PHEX: variants seen among roughly 807,000 people sequenced by gnomAD.
PHEX encodes the protein phosphate-regulating neutral endopeptidase PHEX.
Under a neutral mutation model 68.0 loss-of-function variants are expected in PHEX, and 16 were observed. The ratio of observed to expected loss-of-function variants is 0.24; its 90% CI spans 0.16 to 0.36. PHEX has a LOEUF of 0.36. Among genes scored for constraint, PHEX ranks in the 10% least tolerant of loss-of-function variants. PHEX has a pLI of 1.00. For missense variants in PHEX, 480 were observed against 575.5 expected (o/e 0.83, Z 1.70); for synonymous variants, 208 against 205.1 (o/e 1.01, Z -0.12).
At chrX:22,158,549 G>A (rs1261215544) in intron 12 of PHEX, among the ~76,000 whole-genome samples, 1 of 112,331 alleles carries the variant, frequency 8.9e-6, no homozygotes, top group African/African-American at 3.2e-5. Context: ...CAAGACATTT[G>A]AGAATTTATC....
chrX:22,100,400 C>T (rs1254822258), intron 9 of PHEX, among the ~76,000 whole-genome samples: 2 of 112,071 alleles, frequency 1.8e-5, no homozygotes, highest in East Asian at 5.6e-4. Context: ...TTTGTAAGTA[C>T]TTCCTAGCTC....
intron 12 of PHEX, among the ~76,000 whole-genome samples, chrX:22,145,378 A>G (rs1932648057): frequency 8.9e-6 from 1 of 111,966 alleles, no homozygotes; most frequent in Non-Finnish European, 1.9e-5. Context: ...TGGGAGGCCG[A>G]GGTGGGTAGA....
At chrX:22,091,384 C>CT (rs1332304531) in intron 6 of PHEX, among the ~76,000 whole-genome samples, 2 of 112,042 alleles carry the variant, frequency 1.8e-5, no homozygotes, top group African/African-American at 6.5e-5. Context: ...TATAACCTAT[C>CT]TGTCAAGTCC....
intron 14 of PHEX, among the ~76,000 whole-genome samples, chrX:22,185,984 G>A (rs1486938035): frequency 9.0e-6 from 1 of 110,748 alleles, no homozygotes; most frequent in Admixed American, 9.6e-5. Context: ...TCGAACTCCT[G>A]ACTTCAGGTG....
intron 14 of PHEX, among the ~76,000 whole-genome samples, chrX:22,188,358 G>T (rs1279442657): frequency 9.0e-6 from 1 of 111,398 alleles, no homozygotes; most frequent in Non-Finnish European, 1.9e-5. Flanking sequence ...GCATGCCACT[G>T]CTGGGCCTAG....
At chrX:22,162,723 C>G (rs1228576794) in intron 12 of PHEX, 1 of 112,058 alleles carries the variant, frequency 8.9e-6, no homozygotes, top group Non-Finnish European at 1.9e-5. Flanking sequence ...AAACATGACA[C>G]ATAATGCCTC....
At chrX:22,237,094 A>C (rs1426596944) in intron 20 of PHEX, among the ~76,000 whole-genome samples, 1 of 112,504 alleles carries the variant, frequency 8.9e-6, no homozygotes, top group African/African-American at 3.2e-5. Context: ...AAGTCTGCTT[A>C]TAAGGAGTAA....
At chrX:22,152,297 G>C (rs893280902) in intron 12 of PHEX, among the ~76,000 whole-genome samples, 5 of 111,653 alleles carry the variant, frequency 4.5e-5, no homozygotes, top group African/African-American at 1.6e-4. Context: ...ATGAAGTAAA[G>C]TACTTAGCAC....
intron 21 of PHEX, 101 bp downstream of exon 21, chrX:22,245,510 A>G (rs2147214346): frequency 3.3e-6 from 2 of 601,414 alleles, no homozygotes; most frequent in East Asian, 6.5e-5. Flanking sequence ...TGATCTGAAA[A>G]AAATCCCACA....
Position 22,038,466 on chromosome X carries a change from CA to C in PHEX, c.119-2del. 2.5e-6 allele frequency: 3 copies of C among 1,182,521 alleles called. No individual in the cohort carries two copies. The highest frequency in any genetic ancestry group is 3.5e-6 in the Non-Finnish European group (3 of 869,199). Reference sequence around the variant, plus strand: ...AGCCATTTATTGTGGTCTGTTTTTTCAGTGAGTCAAGGTCTCTTAAGTCTCC... The same window carrying C: ...AGCCATTTATTGTGGTCTGTTTTTTCGTGAGTCAAGGTCTCTTAAGTCTCC... On this transcript the variant is annotated splice_acceptor_variant, in intron 1 of 21. Coordinates refer to ENST00000379374, the MANE Select transcript of PHEX (RefSeq NM_000444.6). LOFTEE classifies it high-confidence loss of function.
chrX:22,230,961 T>C (rs1473133126), intron 20 of PHEX, among the ~76,000 whole-genome samples: 1 of 111,950 alleles, frequency 8.9e-6, no homozygotes, highest in Non-Finnish European at 1.9e-5. Flanking sequence ...CATCAATACC[T>C]AGTTTACTGA....
At chrX:22,163,949 G>T (rs1482713505) in intron 12 of PHEX, among the ~76,000 whole-genome samples, 1 of 112,040 alleles carries the variant, frequency 8.9e-6, no homozygotes, top group African/African-American at 3.2e-5. Flanking sequence ...CTTTCAGAGG[G>T]CTGGGGAGTG....
chrX:22,147,666 A>G (rs1338253843), intron 12 of PHEX, among the ~76,000 whole-genome samples: 1 of 111,262 alleles, frequency 9.0e-6, no homozygotes, highest in Non-Finnish European at 1.9e-5. Flanking sequence ...TACCAAGAGA[A>G]GAAAGGGTGA....
At chrX:22,093,234 C>T (rs998298453) in intron 6 of PHEX, among the ~76,000 whole-genome samples, 73 of 111,671 alleles carry the variant, frequency 6.5e-4, no homozygotes, top group Non-Finnish European at 6.2e-4. Flanking sequence ...ATACCTGATG[C>T]GTTGAGATCT....
chrX:22,234,273 T>G (rs370969284), intron 20 of PHEX, among the ~76,000 whole-genome samples: 10 of 112,543 alleles, frequency 8.9e-5, no homozygotes, highest in African/African-American at 3.2e-4. Flanking sequence ...GGGGGTCAGG[T>G]ACCCACTTGA....
intron 20 of PHEX, among the ~76,000 whole-genome samples, chrX:22,232,407 C>CTCTT (rs751771221): frequency 1.8e-5 from 2 of 109,738 alleles, no homozygotes; most frequent in African/African-American, 6.6e-5. Flanking sequence ...GAGTCTAAGT[C>CTCTT]TCTTTGTAGG....
At chrX:22,124,223 A>G (rs767840821) in intron 11 of PHEX, among the ~76,000 whole-genome samples, 4 of 112,025 alleles carry the variant, frequency 3.6e-5, no homozygotes, top group East Asian at 5.6e-4. Context: ...GTGACAGCTC[A>G]TTTATGCAAT....
intron 13 of PHEX, among the ~76,000 whole-genome samples, chrX:22,170,174 G>T (rs1429223905): frequency 2.7e-5 from 3 of 112,135 alleles, no homozygotes; most frequent in African/African-American, 9.7e-5. Flanking sequence ...TGGGTTGGAA[G>T]GCAAGAAAAG....
At chrX:22,162,727 A>C (rs952319602) in intron 12 of PHEX, 5 of 112,131 alleles carry the variant, frequency 4.5e-5, no homozygotes, top group African/African-American at 1.6e-4. Context: ...ATGACACATA[A>C]TGCCTCAAAC....
Sources: allele counts gnomAD v4.1 joint callset (sites outside exome capture counted in the v4.1 genomes callset), GRCh38; gene constraint gnomAD v4.1.1; transcripts MANE v1.5; gene names NCBI Gene and HGNC (gene_info 2026-07-23, HGNC 2026-07-21).